DCUN1D5: variants seen among roughly 807,000 people sequenced by gnomAD.
The protein encoded by DCUN1D5 is DCN1-like protein 5.
In DCUN1D5, 10 loss-of-function variants were observed where a neutral mutation model predicts 38.3. The ratio of observed to expected loss-of-function variants is 0.26; its 90% CI spans 0.16 to 0.44. The LOEUF (loss-of-function observed/expected upper bound fraction) is 0.44. DCUN1D5 is among the 20% of genes least tolerant of loss of function. The pLI, the probability that DCUN1D5 is intolerant of heterozygous loss-of-function variation, is 1.00. For synonymous variants in DCUN1D5, 93 were observed against 90.9 expected, an observed-to-expected ratio of 1.02 and a Z score of -0.13; for missense variants, 148 against 275.3, an observed-to-expected ratio of 0.54 and a Z score of 3.27.
chr11:103,085,076 T>C (rs1369005276), intron 2 of DCUN1D5, among the ~76,000 whole-genome samples: 1 of 152,144 alleles, frequency 6.6e-6, no homozygotes, highest in East Asian at 1.9e-4. Flanking sequence ...TTCTAAAGCA[T>C]CAAGAAAACA....
In DCUN1D5 at chr11:103,092,071, G is replaced by A; in HGVS notation, c.-199C>T. ...CGTCGTCTTTCTCTGACCGGGACAG[G>A]GCTGGCTCCTCGCCGGTGGACACTG... On this transcript the variant is annotated 5_prime_UTR_variant, in exon 1 of 8. Coordinates refer to ENST00000260247, the MANE Select transcript of DCUN1D5 (RefSeq NM_032299.4). 1.7e-6 allele frequency: 1 copy of A among 577,220 alleles called. No individual in the cohort carries two copies. The highest frequency in any genetic ancestry group is 1.9e-5 in the African/African-American group (1 of 52,974). The allele number at this position is 577,220 out of a possible 1,614,324, so 35.8% of individuals were successfully genotyped here. A position where few individuals can be genotyped will look rare whatever the true frequency, so the allele number is the denominator to read the frequency against.
chr11:103,090,919 C>G (rs1236467849), intron 1 of DCUN1D5, among the ~76,000 whole-genome samples: 1 of 151,996 alleles, frequency 6.6e-6, no homozygotes, highest in Non-Finnish European at 1.5e-5. Context: ...CTCAGAAAAA[C>G]AAAACAAAAC....
In DCUN1D5 at chr11:103,087,079, A is replaced by G. The variant is rs1233148100; in HGVS notation, c.178+2148T>C. Among the ~76,000 whole-genome samples, 2 of 150,664 alleles carry G rather than the reference A, an allele frequency of 1.3e-5. No individual in the cohort carries two copies. The highest frequency in any genetic ancestry group is 3.0e-5 in the Non-Finnish European group (2 of 67,734). On this transcript the variant is annotated intron_variant, in intron 2 of 7. Transcript: ENST00000260247. The surrounding 1 kb of genome is among the most constrained non-coding windows in gnomAD (Gnocchi z 4.1). ...AGCAGCTCATGCCTGTAATCCCACC[A>G]CTCTGGGAAGCTGAGGCAATTAGAT...
At chr11:103,075,368 C>T (rs936709028) in intron 4 of DCUN1D5, among the ~76,000 whole-genome samples, 1 of 152,038 alleles carries the variant, frequency 6.6e-6, no homozygotes, top group African/African-American at 2.4e-5. Flanking sequence ...ACAGGCAAGT[C>T]CAAGTGTACT....
chr11:103,066,607 A>T lies in DCUN1D5; in HGVS notation c.342-40T>A, dbSNP rs1031343609. On this transcript the variant is annotated intron_variant, in intron 4 of 7. Transcript: ENST00000260247. This position sits in a 1 kb window ranked among gnomAD's most constrained non-coding sequence, Gnocchi z 4.7. ...ATATCAAACAAATTACATAATCAAG[A>T]AAATCAAATAAAAGTATCACTGGGG... is the stretch of plus-strand genomic sequence containing the variant. 3 of 1,277,534 alleles carry T rather than the reference A, an allele frequency of 2.3e-6. No individual in the cohort carries two copies. Among genetic ancestry groups the T allele is most frequent in the Non-Finnish European group, 3.4e-6 (3 of 884,414 alleles). 79.1% of individuals were successfully genotyped at this position (1,277,534 alleles called of 1,614,324 possible). A position where few individuals can be genotyped will look rare whatever the true frequency, so the allele number is the denominator to read the frequency against.
chr11:103,088,851 T>C (rs147676403), intron 2 of DCUN1D5, among the ~76,000 whole-genome samples: 177 of 152,340 alleles, frequency 1.2e-3, no homozygotes, highest in South Asian at 6.8e-3. Flanking sequence ...AAAGAGAATA[T>C]TGAATAGAAA....
intron 4 of DCUN1D5, among the ~76,000 whole-genome samples, chr11:103,076,676 G>C (rs902624120): frequency 2.6e-5 from 4 of 152,146 alleles, no homozygotes; most frequent in Non-Finnish European, 5.9e-5. Flanking sequence ...TTCAGCCTCA[G>C]TTATCTGATT....
chr11:103,064,252 G>T lies in DCUN1D5; in HGVS notation c.658+23C>A. The T allele has an allele frequency of 6.3e-7, 1 of 1,584,450 alleles. No individual in the cohort carries two copies. The highest frequency in any genetic ancestry group is 8.6e-7 in the Non-Finnish European group (1 of 1,161,128). On this transcript the variant is annotated intron_variant, in intron 7 of 7. Transcript: ENST00000260247. This position sits in a 1 kb window ranked among gnomAD's most constrained non-coding sequence, Gnocchi z 4.5. ...TATTTTTGGAAATTTTGTTTTCAAA[G>T]GAACATGTTATGTTATACTTACAAG...
Position 103,055,918 on chromosome 11 carries a change from C to T in DCUN1D5, c.*6441G>A, listed in dbSNP as rs1209857488. The T allele has an allele frequency of 3.3e-5, 5 of 152,184 alleles. No homozygotes were observed. Among genetic ancestry groups the T allele is most frequent in the East Asian group, 1.9e-4 (1 of 5,200 alleles). 9.4% of individuals were successfully genotyped at this position (152,184 alleles called of 1,614,324 possible). ...TCCAAAAGTAAACTCTCAATCTACC[C>T]GCTTAAGCCTGCTCCTCTGAGTCTT... is the stretch of plus-strand genomic sequence containing the variant. On this transcript the variant is annotated 3_prime_UTR_variant, in exon 8 of 8. Transcript: ENST00000260247.
chr11:103,072,930 T>TA (rs910084224), intron 4 of DCUN1D5, among the ~76,000 whole-genome samples: 1 of 151,984 alleles, frequency 6.6e-6, no homozygotes, highest in African/African-American at 2.4e-5. Flanking sequence ...AAAAGATATA[T>TA]AGATCAGAAA....
Position 103,064,900 on chromosome 11 carries a change from T to A in DCUN1D5, c.556-523A>T, listed in dbSNP as rs903080211. On this transcript the variant is annotated intron_variant, in intron 6 of 7. Coordinates refer to ENST00000260247, the MANE Select transcript of DCUN1D5 (RefSeq NM_032299.4). This position sits in a 1 kb window ranked among gnomAD's most constrained non-coding sequence, Gnocchi z 4.5. ...CTCATTTGTTAAATGGGGATAGAAT[T>A]TAATTCAAAATGGTATTATAAAGAT... Among the ~76,000 whole-genome samples, 62 of 152,286 alleles carry A rather than the reference T, an allele frequency of 4.1e-4. No individual in the cohort carries two copies. The highest frequency in any genetic ancestry group is 1.4e-3 in the African/African-American group (60 of 41,568).
rs1475117454 is a variant in DCUN1D5, at chr11:103,060,827, GCTTTC to G, written c.*1527_*1531del. Among the ~76,000 whole-genome samples, 5 of 152,074 alleles carry G rather than the reference GCTTTC, an allele frequency of 3.3e-5. No individual in the cohort carries two copies. Among genetic ancestry groups the G allele is most frequent in the Non-Finnish European group, 5.9e-5 (4 of 67,986 alleles). ...AATTTAAAGGTCTACAAATCTAAATGCTTTCCTTATAATAAATTTGATATTAAAAC... is the reference window on the plus strand; with the variant it reads ...AATTTAAAGGTCTACAAATCTAAATGCTTATAATAAATTTGATATTAAAAC... On this transcript the variant is annotated 3_prime_UTR_variant, in exon 8 of 8. Coordinates refer to ENST00000260247, the MANE Select transcript of DCUN1D5 (RefSeq NM_032299.4).
In DCUN1D5 at chr11:103,058,685, G is replaced by A. The variant is rs1015865352; in HGVS notation, c.*3674C>T. ...TATCATTAAAAAAAGATATAATCCAGAATATTTAATAATTCAGACTAGCCT... is the reference window on the plus strand; with the variant it reads ...TATCATTAAAAAAAGATATAATCCAAAATATTTAATAATTCAGACTAGCCT... On this transcript the variant is annotated 3_prime_UTR_variant, in exon 8 of 8. Coordinates refer to ENST00000260247, the MANE Select transcript of DCUN1D5 (RefSeq NM_032299.4). Among the ~76,000 whole-genome samples, 1 of 151,712 alleles carries A rather than the reference G, an allele frequency of 6.6e-6. No homozygotes were observed. The highest frequency in any genetic ancestry group is 1.5e-5 in the Non-Finnish European group (1 of 67,906).
rs1421589800 is a variant in DCUN1D5, at chr11:103,060,822, T to C, written c.*1537A>G. Reference sequence around the variant, plus strand: ...TTATAAATTTAAAGGTCTACAAATCTAAATGCTTTCCTTATAATAAATTTG... The same window carrying C: ...TTATAAATTTAAAGGTCTACAAATCCAAATGCTTTCCTTATAATAAATTTG... On this transcript the variant is annotated 3_prime_UTR_variant, in exon 8 of 8. Coordinates refer to ENST00000260247, the MANE Select transcript of DCUN1D5 (RefSeq NM_032299.4). 6.6e-6 allele frequency among the ~76,000 whole-genome samples: 1 copy of C among 152,192 alleles called. No homozygotes were observed. The highest frequency in any genetic ancestry group is 2.4e-5 in the African/African-American group (1 of 41,464).
At chr11:103,076,899 T>C (rs886484276) in intron 4 of DCUN1D5, among the ~76,000 whole-genome samples, 1 of 152,072 alleles carries the variant, frequency 6.6e-6, no homozygotes, top group Admixed American at 6.6e-5. Context: ...ACAGACTTTT[T>C]TGTAGTAAAA....
Position 103,066,079 on chromosome 11 carries a change from CT to C in DCUN1D5, c.555+189del, listed in dbSNP as rs1862127004. On this transcript the variant is annotated intron_variant, in intron 6 of 7. Transcript: ENST00000260247. The surrounding 1 kb of genome is among the most constrained non-coding windows in gnomAD (Gnocchi z 4.7). ...ACTGGGGGGGTAGGATTGAAAATAT[CT>C]TAGGTACAAAATATATTAATAAACA... Among the ~76,000 whole-genome samples the C allele has an allele frequency of 6.6e-6, 1 of 151,390 alleles. No homozygotes were observed. Among genetic ancestry groups the C allele is most frequent in the African/African-American group, 2.4e-5 (1 of 41,130 alleles).
Position 103,091,614 on chromosome 11 carries a change from G to A in DCUN1D5, c.86+173C>T. 8.5e-7 allele frequency: 1 copy of A among 1,170,290 alleles called. No homozygotes were observed. The highest frequency in any genetic ancestry group is 1.2e-6 in the Non-Finnish European group (1 of 818,420). 72.5% of individuals were successfully genotyped at this position (1,170,290 alleles called of 1,614,324 possible). A position where few individuals can be genotyped will look rare whatever the true frequency, so the allele number is the denominator to read the frequency against. ...CGCCAGCGTGCACACACTCGAACAC[G>A]AGGTCGGGTCGGGCGCGGAGACTCG... On this transcript the variant is annotated intron_variant, in intron 1 of 7. Transcript: ENST00000260247. This position sits in a 1 kb window ranked among gnomAD's most constrained non-coding sequence, Gnocchi z 4.3.
chr11:103,071,139 A>G lies in DCUN1D5; in HGVS notation c.342-4572T>C, dbSNP rs1862261482. On this transcript the variant is annotated intron_variant, in intron 4 of 7. Transcript: ENST00000260247. This position sits in a 1 kb window ranked among gnomAD's most constrained non-coding sequence, Gnocchi z 4.1. Reference sequence around the variant, plus strand: ...GCCTTAATCAACAATCTAAGCTTGTACCTCTAGAACCCAGAAAAAGAAAGG... The same window carrying G: ...GCCTTAATCAACAATCTAAGCTTGTGCCTCTAGAACCCAGAAAAAGAAAGG... Among the ~76,000 whole-genome samples the G allele has an allele frequency of 6.6e-6, 1 of 152,150 alleles. No homozygotes were observed. The highest frequency in any genetic ancestry group is 6.5e-5 in the Admixed American group (1 of 15,280).
chr11:103,051,050 TAAA>T lies in DCUN1D5; in HGVS notation c.*11306_*11308del, dbSNP rs1210484408. 2 of 152,156 alleles carry T rather than the reference TAAA, an allele frequency of 1.3e-5. No homozygotes were observed. Among genetic ancestry groups the T allele is most frequent in the Non-Finnish European group, 2.9e-5 (2 of 68,022 alleles). 9.4% of individuals were successfully genotyped at this position (152,156 alleles called of 1,614,324 possible). ...AGAAAGGTGCTGCAACTTCTGGACA[TAAA>T]GAAGTTCCAATAAATCCAATCTTAC... On this transcript the variant is annotated 3_prime_UTR_variant, in exon 8 of 8. Transcript: ENST00000260247.
Sources: gnomAD v4.1 joint callset for allele counts (sites outside exome capture counted in the v4.1 genomes callset) on GRCh38, gnomAD v4.1.1 for gene constraint, Gnocchi (gnomAD v3.1) non-coding constraint, MANE v1.5 for transcripts, NCBI Gene and HGNC (gene_info 2026-07-23, HGNC 2026-07-21) for gene names.